Variants in CHST9 observed in about 807,000 individuals in gnomAD.
CHST9 encodes carbohydrate sulfotransferase 9.
Under a neutral mutation model 44.4 loss-of-function variants are expected in CHST9, and 41 were observed. The observed-to-expected ratio is 0.92, with a 90% CI of 0.72 to 1.20. CHST9 has a LOEUF of 1.20. Among genes scored for constraint, CHST9 ranks in the 50% most tolerant of loss-of-function variants. The pLI, the probability that CHST9 is intolerant of heterozygous loss-of-function variation, is 0.00. For missense variants in CHST9, 504 were observed against 516.5 expected, an observed-to-expected ratio of 0.98 and a Z score of 0.23; for synonymous variants, 171 against 178.4, an observed-to-expected ratio of 0.96 and a Z score of 0.33.
At chr18:27,008,398 CA>C (rs1317490224) in intron 4 of CHST9, among the ~76,000 whole-genome samples, 1 of 152,184 alleles carries the variant, frequency 6.6e-6, no homozygotes, top group East Asian at 1.9e-4. Flanking sequence ...GTATTAATAA[CA>C]ACAATCAAGT....
At chr18:27,149,326 T>C (rs1333105379) in intron 1 of CHST9, among the ~76,000 whole-genome samples, 2 of 152,092 alleles carry the variant, frequency 1.3e-5, no homozygotes, top group African/African-American at 4.8e-5. Flanking sequence ...ACACGAAGTC[T>C]AATAATGGCC....
intron 4 of CHST9, among the ~76,000 whole-genome samples, chr18:26,974,903 G>A (rs1166013198): frequency 6.6e-6 from 1 of 152,112 alleles, no homozygotes; most frequent in Non-Finnish European, 1.5e-5. Flanking sequence ...CTTGAACTCT[G>A]ACCTCAAATG....
At chr18:27,002,236 T>A (rs529281375) in intron 4 of CHST9, among the ~76,000 whole-genome samples, 1 of 152,148 alleles carries the variant, frequency 6.6e-6, no homozygotes, top group African/African-American at 2.4e-5. Context: ...TAATTTTTTT[T>A]TTTTTAATTC....
chr18:27,126,548 T>G (rs967866019), intron 2 of CHST9, among the ~76,000 whole-genome samples: 5 of 152,052 alleles, frequency 3.3e-5, no homozygotes, highest in Non-Finnish European at 7.4e-5. Context: ...GGTTGAGAGA[T>G]CTGATGGTCA....
intron 5 of CHST9, among the ~76,000 whole-genome samples, chr18:26,918,431 G>A (rs537994928): frequency 9.1e-4 from 139 of 152,040 alleles, no homozygotes; most frequent in African/African-American, 3.2e-3. Context: ...AGAGGTGGAG[G>A]GAGTGGTGGG....
intron 5 of CHST9, among the ~76,000 whole-genome samples, chr18:26,938,940 G>C (rs2056041373): frequency 6.6e-6 from 1 of 152,162 alleles, no homozygotes; most frequent in South Asian, 2.1e-4. Flanking sequence ...ATAGGGAGTA[G>C]ACTCTAAATT....
intron 2 of CHST9, among the ~76,000 whole-genome samples, chr18:27,106,800 G>A (rs1244140953): frequency 2.6e-5 from 4 of 152,106 alleles, no homozygotes; most frequent in African/African-American, 4.8e-5. Flanking sequence ...CCAGTCTATC[G>A]CAGTTGGCAA....
chr18:27,134,573 G>C (rs923684079), intron 2 of CHST9, among the ~76,000 whole-genome samples: 11 of 152,108 alleles, frequency 7.2e-5, no homozygotes, highest in Non-Finnish European at 1.2e-4. Context: ...CCTACCAAAA[G>C]GTCATATCAC....
rs35047656 is a variant in CHST9 at position 26,912,638 on chromosome 18, T to C, written c.*3621A>G. The C allele has an allele frequency of 0.012, 1,791 of 152,346 alleles. 21 individuals are homozygous for C. Among genetic ancestry groups the C allele is most frequent in the Non-Finnish European group, 0.019 (1,263 of 68,040 alleles). The allele number at this position is 152,346 out of a possible 1,614,324, so 9.4% of individuals were successfully genotyped here. On this transcript the variant is annotated 3_prime_UTR_variant, in exon 6 of 6. Coordinates refer to ENST00000618847, the MANE Select transcript of CHST9 (RefSeq NM_031422.6). The stretch of plus-strand genomic sequence containing the variant: ...TACTCAGCTATAGTCTGCTTTACTT[T>C]CCTTTATGATAGATGGAAAGGGAGA...
intron 4 of CHST9, among the ~76,000 whole-genome samples, chr18:26,962,937 C>T (rs1368483236): frequency 6.6e-6 from 1 of 152,110 alleles, no homozygotes; most frequent in Non-Finnish European, 1.5e-5. Context: ...GGGATGAAGC[C>T]AGAGAAACAG....
intron 5 of CHST9, among the ~76,000 whole-genome samples, chr18:26,918,060 G>C (rs2055571152): frequency 1.3e-5 from 2 of 152,102 alleles, no homozygotes; most frequent in African/African-American, 4.8e-5. Flanking sequence ...CTGTATCAAG[G>C]TAGAGCAAAA....
At chr18:27,028,927 A>T (rs78007958) in intron 3 of CHST9, among the ~76,000 whole-genome samples, 16 of 152,226 alleles carry the variant, frequency 1.1e-4, no homozygotes, top group African/African-American at 3.9e-4. Context: ...TAAAATTATT[A>T]AAACGTTTAA....
At chr18:27,028,460 G>A (rs746091539) in intron 3 of CHST9, among the ~76,000 whole-genome samples, 51 of 152,312 alleles carry the variant, frequency 3.3e-4, no homozygotes, top group Non-Finnish European at 6.5e-4. Context: ...CCGGTACTGA[G>A]GTGGCTGTGA....
chr18:27,168,406 G>A (rs2058808510), intron 1 of CHST9, among the ~76,000 whole-genome samples: 1 of 152,150 alleles, frequency 6.6e-6, no homozygotes, highest in Non-Finnish European at 1.5e-5. Flanking sequence ...TCCTGTTGCT[G>A]TAGGAGGAAT....
chr18:27,099,070 G>A (rs1010533506), intron 2 of CHST9, among the ~76,000 whole-genome samples: 25 of 152,028 alleles, frequency 1.6e-4, no homozygotes, highest in African/African-American at 3.6e-4. Context: ...TGACAAAGTC[G>A]ACAAAAATAA....
At chr18:27,129,560 T>C (rs2058454681) in intron 2 of CHST9, among the ~76,000 whole-genome samples, 1 of 152,006 alleles carries the variant, frequency 6.6e-6, no homozygotes, top group Admixed American at 6.6e-5. Context: ...GCCCAGATAA[T>C]GTTTGTATTT....
At chr18:26,958,125 AT>A (rs2056351468) in intron 4 of CHST9, among the ~76,000 whole-genome samples, 1 of 151,596 alleles carries the variant, frequency 6.6e-6, no homozygotes, top group African/African-American at 2.4e-5. Flanking sequence ...ACCTCAGGTG[AT>A]CCACCTACCT....
chr18:27,071,724 T>C (rs1438127070), intron 2 of CHST9, among the ~76,000 whole-genome samples: 1 of 152,156 alleles, frequency 6.6e-6, no homozygotes, highest in Non-Finnish European at 1.5e-5. Flanking sequence ...CAGGACAAAA[T>C]GAACTGTGCA....
At chr18:27,183,612 G>T (rs1432805692) in intron 1 of CHST9, among the ~76,000 whole-genome samples, 1 of 152,094 alleles carries the variant, frequency 6.6e-6, no homozygotes, top group Non-Finnish European at 1.5e-5. Flanking sequence ...TTGACGATAT[G>T]CAATCTAAAT....
Sources: allele counts gnomAD v4.1 joint callset (sites outside exome capture counted in the v4.1 genomes callset), GRCh38; gene constraint gnomAD v4.1.1; transcripts MANE v1.5; gene names NCBI Gene and HGNC (gene_info 2026-07-23, HGNC 2026-07-21).